UMODL1: variants seen among roughly 807,000 people sequenced by gnomAD.
UMODL1 encodes the protein uromodulin-like 1.
In UMODL1, 128 loss-of-function variants were observed where a neutral mutation model predicts 136.3. The observed-to-expected ratio is 0.94, with a 90% CI of 0.81 to 1.09. UMODL1 has a LOEUF of 1.09. Among genes scored for constraint, UMODL1 ranks in the 50% least tolerant of loss-of-function variants. The pLI, the probability that UMODL1 is intolerant of heterozygous loss-of-function variation, is 0.00. For missense variants in UMODL1, 1,766 were observed against 1,725.6 expected (o/e 1.02, Z -0.41); for synonymous variants, 721 against 720.0 (o/e 1.00, Z -0.02).
chr21:42,088,632 C>T, intron 5 of UMODL1, 152 bp downstream of exon 5: 1 of 847,486 alleles, frequency 1.2e-6, no homozygotes, highest in Non-Finnish European at 1.8e-6. Flanking sequence ...CAAGTGTGTT[C>T]ATCCCACAGG....
At chr21:42,101,557 G>A (rs999166100) in intron 7 of UMODL1, 3 of 360,424 alleles carry the variant, frequency 8.3e-6, no homozygotes, top group East Asian at 7.6e-5. Context: ...TGTGCCCGCC[G>A]ACGCTTGGGT....
At chr21:42,068,895 G>C (rs902888026), upstream of UMODL1, among the ~76,000 whole-genome samples, 2 of 152,248 alleles carry the variant, frequency 1.3e-5, no homozygotes, top group African/African-American at 4.8e-5. This position sits in a 1 kb window ranked among gnomAD's most constrained non-coding sequence, Gnocchi z 5.5. Context: ...GCCTGGGCAT[G>C]TGTGCCCTGA....
Position 42,127,194 on chromosome 21 carries a change from C to G in UMODL1, c.3482C>G (p.Pro1161Arg), listed in dbSNP as rs765005085. 3 of 1,613,976 alleles carry G rather than the reference C, an allele frequency of 1.9e-6. No homozygotes were observed. The highest frequency in any genetic ancestry group is 2.5e-6 in the Non-Finnish European group (3 of 1,180,038). ...GTCCTGACGGAGTGCTGGGCAACCC[C>G]GTCTAGCAACGCCCGGGACCCCATC... ...KVVLTECWATPSSNARDPITF... is the reference protein window; with the variant it reads ...KVVLTECWATRSSNARDPITF... Residue 1161 changes from proline to arginine, a missense_variant, in exon 19 of 23, where the codon CCG becomes CGG. Transcript: ENST00000408910.
chr21:42,128,238 GT>G (rs1915235078), intron 20 of UMODL1: 1 of 297,522 alleles, frequency 3.4e-6, no homozygotes, highest in South Asian at 2.8e-5. Flanking sequence ...ATTTAATAAA[GT>G]TTTTTCCCCT....
chr21:42,093,239 G>T (rs1010623292), intron 6 of UMODL1, among the ~76,000 whole-genome samples: 1 of 152,142 alleles, frequency 6.6e-6, no homozygotes, highest in Admixed American at 6.5e-5. Context: ...TAGAGACAGG[G>T]TCTTACTCTG....
chr21:42,100,169 G>C (rs1052617828), intron 7 of UMODL1, among the ~76,000 whole-genome samples: 2 of 152,174 alleles, frequency 1.3e-5, no homozygotes, highest in African/African-American at 4.8e-5. Flanking sequence ...GGGTTGCTGG[G>C]GCTCCATTCT....
chr21:42,141,949 G>C (rs1306211315), intron 22 of UMODL1, 147 bp from the exon 23 acceptor site: 1 of 152,258 alleles, frequency 6.6e-6, no homozygotes, highest in Non-Finnish European at 1.5e-5. Context: ...CTTTTCATTA[G>C]GGGCTTGATC....
chr21:42,076,099 CTA>C lies in UMODL1; in HGVS notation c.173_174del (p.Tyr58CysfsTer14), dbSNP rs762989190. 122 of 1,614,142 alleles carry C rather than the reference CTA, an allele frequency of 7.6e-5. No homozygotes were observed. In the Admixed American group the frequency reaches 2.0e-3, roughly 26 times the overall value. On this transcript the variant is annotated frameshift_variant, in exon 2 of 23. Coordinates refer to ENST00000408910, the MANE Select transcript of UMODL1 (RefSeq NM_001004416.3). LOFTEE classifies it high-confidence loss of function. ...VEAVQTSYTS[Y>X]VSCGGWIPWR... ...AGGCCGTGCAGACGTCCTACACGTC[CTA>C]TGTGTCCTGCGGCGGCTGGATCCCC... is the stretch of plus-strand genomic sequence containing the variant.
intron 4 of UMODL1, among the ~76,000 whole-genome samples, chr21:42,086,950 A>G (rs2066433327): frequency 1.4e-5 from 2 of 143,364 alleles, no homozygotes; most frequent in East Asian, 4.4e-4. Flanking sequence ...TGGGCTACAG[A>G]GCGAGACTCT....
rs192154360 is a variant in UMODL1 at position 42,111,138 on chromosome 21, C to T, written c.1899+17C>T. 7.3e-5 allele frequency: 117 copies of T among 1,598,624 alleles called. 1 individual carries two copies. In the African/African-American group the frequency reaches 9.6e-4, roughly 13 times the overall value. ...GAGCAGGAGGTGCCCAGCACTGCCC[C>T]GGGTCTGGGGATGGACCAGGGGAGC... On this transcript the variant is annotated intron_variant, in intron 11 of 22. Transcript: ENST00000408910.
upstream of UMODL1, among the ~76,000 whole-genome samples, chr21:42,068,037 T>G (rs1379217690): frequency 1.3e-5 from 2 of 151,990 alleles, no homozygotes; most frequent in African/African-American, 4.8e-5. The surrounding 1 kb of genome is among the most constrained non-coding windows in gnomAD (Gnocchi z 5.5). Context: ...CCCGGAGAAC[T>G]CTCCAGAAGG....
At chr21:42,132,520 CTTCA>C (rs560940613) in intron 21 of UMODL1, among the ~76,000 whole-genome samples, 17 of 151,896 alleles carry the variant, frequency 1.1e-4, no homozygotes, top group Non-Finnish European at 1.6e-4. Flanking sequence ...TCTGTCATCC[CTTCA>C]TTCATCCATC....
At chr21:42,110,776 C>T (rs548370058) in intron 10 of UMODL1, 104 bp from the exon 11 acceptor site, 164 of 1,166,860 alleles carry the variant, frequency 1.4e-4, no homozygotes, top group Admixed American at 3.5e-4. Context: ...AGGTCCACTC[C>T]GGGATGCAGA....
chr21:42,140,868 A>C (rs1400861828), intron 22 of UMODL1, among the ~76,000 whole-genome samples: 2 of 152,182 alleles, frequency 1.3e-5, no homozygotes, highest in African/African-American at 4.8e-5. Context: ...ATAGTGAAAA[A>C]TAAGGAAGCT....
Position 42,085,465 on chromosome 21 carries a change from G to C in UMODL1, c.603+53G>C. On this transcript the variant is annotated intron_variant, in intron 4 of 22. Coordinates refer to ENST00000408910, the MANE Select transcript of UMODL1 (RefSeq NM_001004416.3). The surrounding 1 kb of genome is among the most constrained non-coding windows in gnomAD (Gnocchi z 4.5). ...CACCCTCCTTGTGGCAGCTGCTCAG[G>C]CAGACCCAGGTATGGGGCCGTGGAA... is the stretch of plus-strand genomic sequence containing the variant. 2.5e-6 allele frequency: 4 copies of C among 1,611,658 alleles called. No homozygotes were observed. The highest frequency in any genetic ancestry group is 2.5e-6 in the Non-Finnish European group (3 of 1,179,368).
chr21:42,102,347 T>A, intron 8 of UMODL1, 69 bp downstream of exon 8: 1 of 1,189,668 alleles, frequency 8.4e-7, no homozygotes, highest in South Asian at 1.4e-5. Context: ...CACAAGCCGT[T>A]AATTCCTGCC....
chr21:42,109,729 G>A (rs1219798238), intron 10 of UMODL1, 30 bp downstream of exon 10: 2 of 1,595,432 alleles, frequency 1.3e-6, no homozygotes, highest in East Asian at 2.2e-5. Flanking sequence ...CCGACTCTGG[G>A]AAGACCCCCT....
Position 42,121,089 on chromosome 21 carries a change from T to G in UMODL1, c.2692T>G (p.Tyr898Asp). The change falls in exon 16 of 23, where the codon TAC (tyrosine) becomes GAC (aspartate). Residue 898 changes from tyrosine (Y) to aspartate (D), a missense_variant and splice_region_variant. Coordinates refer to ENST00000408910, the MANE Select transcript of UMODL1 (RefSeq NM_001004416.3). Reference protein sequence around the residue: ...VIRGDTFIQDYDECERKEDDC... With the variant: ...VIRGDTFIQDDDECERKEDDC... ...TTTGTCTTCTAAATGTTGTGCAGATTACGATGAGTGTGAAAGGAAGGAGGA... is the reference window on the plus strand; with the variant it reads ...TTTGTCTTCTAAATGTTGTGCAGATGACGATGAGTGTGAAAGGAAGGAGGA... 2 of 1,612,738 alleles carry G rather than the reference T, an allele frequency of 1.2e-6. No individual in the cohort carries two copies. Among genetic ancestry groups the G allele is most frequent in the South Asian group, 1.1e-5 (1 of 90,786 alleles).
intron 1 of UMODL1, among the ~76,000 whole-genome samples, chr21:42,064,843 A>G (rs1264671339): frequency 1.3e-5 from 2 of 152,228 alleles, no homozygotes. Context: ...GGCGTGCACC[A>G]ACATGCCCGG....
Sources: gnomAD v4.1 joint callset for allele counts (sites outside exome capture counted in the v4.1 genomes callset) on GRCh38, gnomAD v4.1.1 for gene constraint, Gnocchi (gnomAD v3.1) non-coding constraint, MANE v1.5 for transcripts, NCBI Gene and HGNC (gene_info 2026-07-23, HGNC 2026-07-21) for gene names.